The following FBXW7 variants were observed in gnomAD, a reference collection of about 807,000 sequenced individuals.
The protein encoded by FBXW7 is F-box/WD repeat-containing protein 7.
Under a neutral mutation model 86.3 loss-of-function variants are expected in FBXW7, and 11 were observed. The ratio of observed to expected loss-of-function variants is 0.13; its 90% confidence interval spans 0.08 to 0.21. FBXW7 has a LOEUF of 0.21. Among genes scored for constraint, FBXW7 ranks in the 10% least tolerant of loss-of-function variants. FBXW7 has a pLI of 1.00. For missense variants in FBXW7, 488 were observed against 847.4 expected, an observed-to-expected ratio of 0.58 and a Z score of 5.27; for synonymous variants, 313 against 297.9, an observed-to-expected ratio of 1.05 and a Z score of -0.52.
chr4:152,458,034 GA>G (rs1340826735), intron 2 of FBXW7, among the ~76,000 whole-genome samples: 6 of 151,870 alleles, frequency 4.0e-5, no homozygotes. Context: ...TTTTGAGATG[GA>G]GTCTCGCTCT....
At chr4:152,445,855 A>G (rs1741321991) in intron 2 of FBXW7, among the ~76,000 whole-genome samples, 2 of 144,600 alleles carry the variant, frequency 1.4e-5, no homozygotes, top group Non-Finnish European at 3.0e-5. Context: ...GGTTGCAGTG[A>G]GCCAAGATCG....
chr4:152,376,929 T>C (rs998369006), intron 4 of FBXW7, among the ~76,000 whole-genome samples: 1 of 151,110 alleles, frequency 6.6e-6, no homozygotes, highest in African/African-American at 2.4e-5. Flanking sequence ...GATAACTCTA[T>C]AACTAAAAAG....
chr4:152,467,200 G>A (rs904567026), intron 2 of FBXW7, among the ~76,000 whole-genome samples: 5 of 152,066 alleles, frequency 3.3e-5, no homozygotes, highest in African/African-American at 7.2e-5. Context: ...CAAGGTAATC[G>A]AATCATGGGG....
At chr4:152,534,301 A>C (rs1750271619) in intron 2 of FBXW7, among the ~76,000 whole-genome samples, 1 of 151,924 alleles carries the variant, frequency 6.6e-6, no homozygotes, top group Non-Finnish European at 1.5e-5. Context: ...CACAACTTTT[A>C]TAAAATGATT....
chr4:152,421,840 C>T (rs941112000), intron 2 of FBXW7, among the ~76,000 whole-genome samples: 11 of 152,126 alleles, frequency 7.2e-5, no homozygotes, highest in African/African-American at 2.7e-4. Flanking sequence ...ATACATACAA[C>T]ATTTATTAAG....
chr4:152,330,789 G>A lies in FBXW7; in HGVS notation c.1065C>T (p.Tyr355=), dbSNP rs761044375. The A allele has an allele frequency of 9.3e-6, 15 of 1,612,624 alleles. No individual in the cohort carries two copies. Among genetic ancestry groups the A allele is most frequent in the South Asian group, 6.6e-5 (6 of 91,036 alleles). The stretch of plus-strand genomic sequence containing the variant: ...TAGTATCAATTCTGTGCTGTCTGAT[G>A]TATGCACTTTTCCATGGACTGTGTA... ...GFIHSPWKSA[Y]IRQHRIDTNW... is the part of the protein sequence containing the mutation. The change falls in exon 9 of 14, where the codon TAC becomes TAT. Residue 355 remains tyrosine (Y), a synonymous_variant. Transcript: ENST00000281708.
At chr4:152,422,071 C>A (rs1739000573) in intron 2 of FBXW7, among the ~76,000 whole-genome samples, 1 of 151,876 alleles carries the variant, frequency 6.6e-6, no homozygotes, top group Non-Finnish European at 1.5e-5. Flanking sequence ...ATTGCTCCAA[C>A]CCTTCAATTT....
At chr4:152,426,418 C>T (rs984079490) in intron 2 of FBXW7, among the ~76,000 whole-genome samples, 12 of 150,976 alleles carry the variant, frequency 7.9e-5, no homozygotes, top group Non-Finnish European at 1.3e-4. Context: ...GGCACAATCT[C>T]GACTCACTGT....
intron 2 of FBXW7, among the ~76,000 whole-genome samples, chr4:152,533,725 G>A (rs1168684684): frequency 1.3e-5 from 2 of 152,078 alleles, no homozygotes; most frequent in South Asian, 2.1e-4. Context: ...ACACAGGTAT[G>A]GAATATGTAA....
intron 2 of FBXW7, among the ~76,000 whole-genome samples, chr4:152,496,275 T>C (rs1187108930): frequency 3.3e-5 from 5 of 152,138 alleles, no homozygotes; most frequent in Non-Finnish European, 7.3e-5. Flanking sequence ...TTGTCTCTTA[T>C]ACTAATTGGT....
chr4:152,488,745 T>C (rs1560959575), intron 2 of FBXW7, among the ~76,000 whole-genome samples: 1 of 152,094 alleles, frequency 6.6e-6, no homozygotes, highest in Non-Finnish European at 1.5e-5. Context: ...TAAAAACCAA[T>C]CTGTATAGAA....
intron 2 of FBXW7, among the ~76,000 whole-genome samples, chr4:152,522,057 C>A (rs575681375): frequency 1.3e-5 from 2 of 152,032 alleles, no homozygotes; most frequent in Admixed American, 1.3e-4. Context: ...AAAACAAGAT[C>A]CTAAGTTAAA....
chr4:152,484,867 C>T (rs1469754442), intron 2 of FBXW7, among the ~76,000 whole-genome samples: 1 of 150,488 alleles, frequency 6.6e-6, no homozygotes, highest in African/African-American at 2.5e-5. Context: ...GAAGCTGAGG[C>T]AGGAGAATCA....
At chr4:152,428,852 T>G (rs142785964) in intron 2 of FBXW7, among the ~76,000 whole-genome samples, 13 of 152,312 alleles carry the variant, frequency 8.5e-5, no homozygotes, top group Middle Eastern at 3.4e-3. Flanking sequence ...CGTCAAAATA[T>G]TTATAATCAA....
intron 4 of FBXW7, chr4:152,382,275 C>T (rs562254548): frequency 1.9e-6 from 3 of 1,603,778 alleles, no homozygotes; most frequent in East Asian, 2.2e-5. Flanking sequence ...GGCTCTTTTG[C>T]ACTTTTAAGA....
At chr4:152,507,801 C>T (rs181873446) in intron 2 of FBXW7, among the ~76,000 whole-genome samples, 2 of 152,040 alleles carry the variant, frequency 1.3e-5, no homozygotes, top group African/African-American at 4.8e-5. Flanking sequence ...CCTATAATCC[C>T]AGCACTTTGG....
chr4:152,322,974 G>C lies in FBXW7; in HGVS notation c.2031C>G (p.Ala677=), dbSNP rs768076888. The C allele has an allele frequency of 1.9e-6, 3 of 1,613,642 alleles. No individual in the cohort carries two copies. In the South Asian group the frequency reaches 3.3e-5, roughly 18 times the overall value. Residue 677 remains alanine (A), a synonymous_variant, in exon 14 of 14, where the codon GCC becomes GCG. Transcript: ENST00000281708. The part of the protein sequence containing the change: ...GSGGVVWRIR[A]SNTKLVCAVG... The stretch of plus-strand genomic sequence containing the variant: ...CTGCACACACCAGCTTTGTGTTTGA[G>C]GCTCTGATCCGCCACACAACTCCCC...
At chr4:152,361,006 C>G (rs1224845579) in intron 4 of FBXW7, among the ~76,000 whole-genome samples, 1 of 151,852 alleles carries the variant, frequency 6.6e-6, no homozygotes, top group African/African-American at 2.4e-5. Context: ...TAACTTGAAC[C>G]AATCTTTTAA....
At chr4:152,343,508 T>C (rs147679907) in intron 6 of FBXW7, among the ~76,000 whole-genome samples, 1 of 152,314 alleles carries the variant, frequency 6.6e-6, no homozygotes, top group East Asian at 1.9e-4. Flanking sequence ...AAGGCAAGAA[T>C]GGTTATATAT....
Sources: allele counts gnomAD v4.1 joint callset (sites outside exome capture counted in the v4.1 genomes callset), GRCh38; gene constraint gnomAD v4.1.1; transcripts MANE v1.5; gene names NCBI Gene and HGNC (gene_info 2026-07-23, HGNC 2026-07-21).